Variants in INSR observed in about 807,000 individuals in gnomAD.
INSR encodes the protein IR.
Under a neutral mutation model 142.6 loss-of-function variants are expected in INSR, and 67 were observed. The observed-to-expected ratio is 0.47, with a 90% CI of 0.39 to 0.58. The LOEUF is 0.58. Ranked by LOEUF, INSR falls within the 20% of genes least tolerant of loss-of-function variation. INSR has a pLI of 0.00. For missense variants in INSR, 1,248 were observed against 1,833.2 expected, an observed-to-expected ratio of 0.68 and a Z score of 5.83; for synonymous variants, 756 against 743.1, an observed-to-expected ratio of 1.02 and a Z score of -0.28.
intron 6 of INSR, among the ~76,000 whole-genome samples, chr19:7,170,190 C>G (rs967762119): frequency 5.3e-5 from 8 of 152,040 alleles, no homozygotes; most frequent in African/African-American, 1.7e-4. Context: ...TAGATTCTCA[C>G]AGGGGTGTGA....
At position 7,166,186 on chromosome 19, in the gene INSR, C is replaced by T. The variant is rs754918764; in HGVS notation, c.1829G>A (p.Ser610Asn). 1 of 1,614,152 alleles carries T rather than the reference C, an allele frequency of 6.2e-7. No individual in the cohort carries two copies. The highest frequency in any genetic ancestry group is 8.5e-7 in the Non-Finnish European group (1 of 1,180,024). ...SDERRTYGAK[S>N]DIIYVQTDAT... is the part of the protein sequence containing the mutation. ...ATCTGTCTGGACATAAATGATGTCA[C>T]TCTTGGCCCCATAGGTCCGGCGTTC... is the stretch of plus-strand genomic sequence containing the variant. Residue 610 changes from serine to asparagine, a missense_variant, in exon 8 of 22, where the codon AGT becomes AAT. Ser to Asn is a conservative substitution (Grantham distance 46). Coordinates refer to ENST00000302850, the MANE Select transcript of INSR (RefSeq NM_000208.4). This position sits in a 1 kb window ranked among gnomAD's most constrained non-coding sequence, Gnocchi z 4.1.
At chr19:7,161,342 C>T (rs902460192) in intron 9 of INSR, among the ~76,000 whole-genome samples, 9 of 151,932 alleles carry the variant, frequency 5.9e-5, no homozygotes, top group Non-Finnish European at 1.0e-4. Flanking sequence ...TCACTGCAGA[C>T]TTGAACTCCT....
At chr19:7,193,824 G>T (rs1357631809) in intron 2 of INSR, among the ~76,000 whole-genome samples, 1 of 151,712 alleles carries the variant, frequency 6.6e-6, no homozygotes, top group Admixed American at 6.6e-5. Context: ...TGAGTAGCTG[G>T]GACTACAGGC....
At chr19:7,287,498 C>T (rs1240983381) in intron 1 of INSR, among the ~76,000 whole-genome samples, 1 of 151,388 alleles carries the variant, frequency 6.6e-6, no homozygotes, top group Non-Finnish European at 1.5e-5. Context: ...ACAAGAGAGG[C>T]CTGAGAGAAA....
At chr19:7,275,430 C>T (rs56266319) in intron 1 of INSR, among the ~76,000 whole-genome samples, 136,530 of 152,156 alleles carry the variant, frequency 0.9, 61,512 homozygotes, top group Non-Finnish European at 0.94. Context: ...ATTTTTTTTA[C>T]ATTTCCATGA....
In INSR at chr19:7,159,063, C is replaced by CA. The variant is rs1326665095; in HGVS notation, c.2029+3968dup. Reference sequence around the variant, plus strand: ...GATTACAGGCACCCACCACCACACCCAACTAATTTTTGTATTTTTAGTAGA... The same window carrying CA: ...GATTACAGGCACCCACCACCACACCCAAACTAATTTTTGTATTTTTAGTAGA... On this transcript the variant is annotated intron_variant, in intron 9 of 21. Coordinates refer to ENST00000302850, the MANE Select transcript of INSR (RefSeq NM_000208.4). This position sits in a 1 kb window ranked among gnomAD's most constrained non-coding sequence, Gnocchi z 4.3. Among the ~76,000 whole-genome samples the CA allele has an allele frequency of 6.6e-6, 1 of 152,004 alleles. No individual in the cohort carries two copies.
chr19:7,157,566 A>G (rs1399865455), intron 9 of INSR, among the ~76,000 whole-genome samples: 102 of 151,868 alleles, frequency 6.7e-4, no homozygotes, highest in Non-Finnish European at 1.3e-4. Flanking sequence ...CCCAGCCTAC[A>G]ATACTTAAGT....
intron 2 of INSR, among the ~76,000 whole-genome samples, chr19:7,194,463 G>A (rs1286159280): frequency 2.0e-5 from 3 of 150,744 alleles, no homozygotes; most frequent in Admixed American, 6.6e-5. Context: ...AAATCAATAT[G>A]GGGCTCAGGG....
Position 7,293,841 on chromosome 19 carries a change from C to A in INSR, c.51G>T (p.Ala17=), listed in dbSNP as rs769897564. Residue 17 remains alanine, a synonymous_variant, in exon 1 of 22, where the codon GCG becomes GCT. Coordinates refer to ENST00000302850, the MANE Select transcript of INSR (RefSeq NM_000208.4). ...CGGCGCCCAGTAGCAGCGCGGCCACCGCCACCAGCAGCGGCGCGGCCGCCG... is the reference window on the plus strand; with the variant it reads ...CGGCGCCCAGTAGCAGCGCGGCCACAGCCACCAGCAGCGGCGCGGCCGCCG... ...RGAAAAPLLV[A]VAALLLGAAG... 3.1e-6 allele frequency: 4 copies of A among 1,300,142 alleles called. No homozygotes were observed. Among genetic ancestry groups the A allele is most frequent in the Non-Finnish European group, 3.9e-6 (4 of 1,027,422 alleles). The allele number at this position is 1,300,142 out of a possible 1,614,324, so 80.5% of individuals were successfully genotyped here.
chr19:7,133,104 A>G (rs1263239795), intron 13 of INSR, among the ~76,000 whole-genome samples: 2 of 151,944 alleles, frequency 1.3e-5, no homozygotes, highest in African/African-American at 4.8e-5. Flanking sequence ...TCCACAGAAA[A>G]TAGAACAATT....
At chr19:7,152,705 A>C in intron 10 of INSR, 21 bp downstream of exon 10, 1 of 1,601,284 alleles carries the variant, frequency 6.2e-7, no homozygotes, top group Non-Finnish European at 8.5e-7. Flanking sequence ...CCACTAAGAG[A>C]GCCCAGCGCC....
At chr19:7,275,616 CTACTAAAAA>C (rs1968042159) in intron 1 of INSR, among the ~76,000 whole-genome samples, 1 of 151,850 alleles carries the variant, frequency 6.6e-6, no homozygotes, top group African/African-American at 2.4e-5. Flanking sequence ...AACCCCGTCT[CTACTAAAAA>C]TACAAAACTT....
chr19:7,199,059 A>AT (rs1021152325), intron 2 of INSR, among the ~76,000 whole-genome samples: 5 of 151,232 alleles, frequency 3.3e-5, no homozygotes, highest in African/African-American at 9.7e-5. Context: ...AATTTTTTCT[A>AT]TTTTTTTGTA....
intron 2 of INSR, among the ~76,000 whole-genome samples, chr19:7,215,724 C>A (rs963307107): frequency 6.6e-6 from 1 of 151,838 alleles, no homozygotes; most frequent in Admixed American, 6.6e-5. Flanking sequence ...CATGCCACCA[C>A]GCCTGGCTAA....
rs556053402 is a variant in INSR at position 7,243,246 on chromosome 19, T to G, written c.652+24099A>C. Among the ~76,000 whole-genome samples, 155 of 129,394 alleles carry G rather than the reference T, an allele frequency of 1.2e-3. 1 individual carries two copies. The highest frequency in any genetic ancestry group is 3.0e-3 in the African/African-American group (97 of 32,284). The allele number at this position is 129,394 out of a possible 152,430, so 84.9% of individuals were successfully genotyped here. A position where few individuals can be genotyped will look rare whatever the true frequency, so the allele number is the denominator to read the frequency against. On this transcript the variant is annotated intron_variant, in intron 2 of 21. Coordinates refer to ENST00000302850, the MANE Select transcript of INSR (RefSeq NM_000208.4). The stretch of plus-strand genomic sequence containing the variant: ...ACACACTGTTTTGGTTTTTTTTTTT[T>G]TTTTTTTTTTTTTTTTTGAGATGCA...
chr19:7,208,779 G>A (rs531169598), intron 2 of INSR, among the ~76,000 whole-genome samples: 1 of 152,098 alleles, frequency 6.6e-6, no homozygotes, highest in African/African-American at 2.4e-5. Flanking sequence ...GCCGAAGTGG[G>A]CGGATCACGA....
At position 7,166,481 on chromosome 19, in the gene INSR, A is replaced by C; in HGVS notation, c.1611-77T>G. On this transcript the variant is annotated intron_variant, in intron 7 of 21. Transcript: ENST00000302850. This position sits in a 1 kb window ranked among gnomAD's most constrained non-coding sequence, Gnocchi z 4.1. ...GAGTGCCGTGCAGATGAGGCCTGGG[A>C]AGTTACATCCCATAGGGTCACATGT... 2 of 1,514,166 alleles carry C rather than the reference A, an allele frequency of 1.3e-6. No individual in the cohort carries two copies. Among genetic ancestry groups the C allele is most frequent in the Non-Finnish European group, 1.8e-6 (2 of 1,106,406 alleles). The allele number at this position is 1,514,166 out of a possible 1,614,324, so 93.8% of individuals were successfully genotyped here. A position where few individuals can be genotyped will look rare whatever the true frequency, so the allele number is the denominator to read the frequency against.
intron 2 of INSR, among the ~76,000 whole-genome samples, chr19:7,251,171 A>G (rs1345540870): frequency 1.3e-5 from 2 of 149,994 alleles, no homozygotes; most frequent in African/African-American, 2.5e-5. Flanking sequence ...ATATCTCCAG[A>G]CATTGCCAAA....
Position 7,150,602 on chromosome 19 carries a change from C to T in INSR, c.2232-70G>A. ...TTAGACAGACCACTGGGCTCTGACA[C>T]TTGGAGGCCACATGTGTCCGAGTAA... On this transcript the variant is annotated intron_variant, in intron 10 of 21. Transcript: ENST00000302850. The surrounding 1 kb of genome is among the most constrained non-coding windows in gnomAD (Gnocchi z 4.2). 6.8e-7 allele frequency: 1 copy of T among 1,474,128 alleles called. No individual in the cohort carries two copies. The allele number at this position is 1,474,128 out of a possible 1,614,324, so 91.3% of individuals were successfully genotyped here.
Sources: gnomAD v4.1 joint callset for allele counts (sites outside exome capture counted in the v4.1 genomes callset) on GRCh38, gnomAD v4.1.1 for gene constraint, Gnocchi (gnomAD v3.1) non-coding constraint, MANE v1.5 for transcripts, NCBI Gene and HGNC (gene_info 2026-07-23, HGNC 2026-07-21) for gene names.